LRP1B: variants seen among roughly 807,000 people sequenced by gnomAD.
The protein encoded by LRP1B is LDL receptor related protein 1B.
In LRP1B, 217 loss-of-function variants were observed where a neutral mutation model predicts 556.6. The ratio of observed to expected loss-of-function variants is 0.39; its 90% confidence interval spans 0.35 to 0.44. LRP1B has a LOEUF of 0.44. Ranked by LOEUF, LRP1B falls within the 20% of genes least tolerant of loss-of-function variation. LRP1B has a pLI of 1.00. For synonymous variants in LRP1B, 2,047 were observed against 1,865.8 expected, an observed-to-expected ratio of 1.10 and a Z score of -2.50; for missense variants, 5,053 against 5,620.8, an observed-to-expected ratio of 0.90 and a Z score of 3.23.
At chr2:141,627,864 G>A (rs563372717) in intron 2 of LRP1B, among the ~76,000 whole-genome samples, 4 of 152,130 alleles carry the variant, frequency 2.6e-5, no homozygotes, top group African/African-American at 7.2e-5. Context: ...TAGTAGGGGA[G>A]GCTGTCGGGA....
At chr2:141,837,105 A>ATG (rs1697309096) in intron 1 of LRP1B, among the ~76,000 whole-genome samples, 1 of 152,042 alleles carries the variant, frequency 6.6e-6, no homozygotes, top group Non-Finnish European at 1.5e-5. Context: ...TCCAGCAGGT[A>ATG]TGCAGGGCTA....
At chr2:141,942,234 T>G (rs891963421) in intron 1 of LRP1B, among the ~76,000 whole-genome samples, 1 of 152,188 alleles carries the variant, frequency 6.6e-6, no homozygotes, top group African/African-American at 2.4e-5. Context: ...CACACATCTT[T>G]TCTCTTTTTA....
chr2:140,285,803 C>T (rs1406706489), intron 84 of LRP1B, among the ~76,000 whole-genome samples: 3 of 150,278 alleles, frequency 2.0e-5, no homozygotes, highest in Non-Finnish European at 4.4e-5. Context: ...TAAAAATCAT[C>T]CTCATAAATT....
chr2:141,219,784 A>C (rs1682959828), intron 6 of LRP1B, among the ~76,000 whole-genome samples: 1 of 152,134 alleles, frequency 6.6e-6, no homozygotes. Context: ...CTCTAGTTGC[A>C]GGAGGGACCC....
chr2:140,708,116 A>G (rs1329825761), intron 37 of LRP1B, among the ~76,000 whole-genome samples: 1 of 152,082 alleles, frequency 6.6e-6, no homozygotes, highest in Admixed American at 6.6e-5. Context: ...TGGGTAAATT[A>G]GTATCTGAGA....
At chr2:140,420,226 TAAAA>T (rs201026040) in intron 66 of LRP1B, among the ~76,000 whole-genome samples, 1 of 150,396 alleles carries the variant, frequency 6.6e-6, no homozygotes, top group African/African-American at 2.4e-5. Context: ...ATCAGTTCAA[TAAAA>T]AAAAAGAATT....
intron 41 of LRP1B, among the ~76,000 whole-genome samples, chr2:140,632,325 T>C (rs150127350): frequency 4.6e-5 from 7 of 152,242 alleles, no homozygotes; most frequent in African/African-American, 1.2e-4. Flanking sequence ...TTATAGCATA[T>C]GGATTAGTGA....
At chr2:140,560,575 C>T (rs1307750267) in intron 43 of LRP1B, among the ~76,000 whole-genome samples, 2 of 151,938 alleles carry the variant, frequency 1.3e-5, no homozygotes, top group Non-Finnish European at 2.9e-5. Context: ...AAAATATGTA[C>T]AAGATCTCTA....
chr2:141,652,071 C>T (rs1689812242), intron 2 of LRP1B, among the ~76,000 whole-genome samples: 1 of 152,290 alleles, frequency 6.6e-6, no homozygotes, highest in African/African-American at 2.4e-5. Flanking sequence ...GATCATAACA[C>T]ACAACTTCCC....
At chr2:141,659,566 A>G (rs1690135078) in intron 2 of LRP1B, among the ~76,000 whole-genome samples, 1 of 152,116 alleles carries the variant, frequency 6.6e-6, no homozygotes. Flanking sequence ...TTACTGAGGC[A>G]AGAAATACAG....
intron 6 of LRP1B, 67 bp from the exon 7 acceptor site, chr2:141,188,650 A>C: frequency 7.1e-7 from 1 of 1,405,106 alleles, no homozygotes; most frequent in Admixed American, 1.9e-5. Context: ...CAAAAATAAC[A>C]TAAGTGTTTC....
At chr2:141,123,094 T>C (rs1474508344) in intron 7 of LRP1B, among the ~76,000 whole-genome samples, 1 of 152,036 alleles carries the variant, frequency 6.6e-6, no homozygotes, top group Non-Finnish European at 1.5e-5. Context: ...CACCAGGGCC[T>C]GTCATGGGGT....
intron 18 of LRP1B, among the ~76,000 whole-genome samples, chr2:140,977,575 T>C (rs1451754827): frequency 7.1e-6 from 1 of 141,644 alleles, no homozygotes; most frequent in African/African-American, 2.6e-5. Flanking sequence ...AATTTCTTAT[T>C]AGGGTGGTGC....
Position 140,700,450 on chromosome 2 carries a change from A to G in LRP1B, c.6599T>C (p.Ile2200Thr), listed in dbSNP as rs763993846. Residue 2200 changes from isoleucine (I) to threonine (T), a missense_variant, in exon 41 of 91, where the codon ATA (isoleucine) becomes ACA (threonine). By Grantham distance (89) the Ile-to-Thr change is moderately conservative. This residue lies in a region of LRP1B where 3,619 missense variants were observed against 3,931.9 expected (regional missense o/e 0.92). Transcript: ENST00000389484. ...LYSGRTILKS[I>T]HLSDETNLNS... The stretch of plus-strand genomic sequence containing the variant: ...TAAATTGGTTTCATCAGAAAGATGT[A>G]TACTTTTTAATATTGTTCTTCCTGA... 9 of 1,613,298 alleles carry G rather than the reference A, an allele frequency of 5.6e-6. No individual in the cohort carries two copies. The highest frequency in any genetic ancestry group is 4.0e-5 in the African/African-American group (3 of 74,864).
At chr2:141,294,150 CA>C (rs1276404120) in intron 3 of LRP1B, among the ~76,000 whole-genome samples, 1 of 151,998 alleles carries the variant, frequency 6.6e-6, no homozygotes, top group Non-Finnish European at 1.5e-5. Flanking sequence ...GTAGAGGTGA[CA>C]AAAATATCTT....
intron 2 of LRP1B, among the ~76,000 whole-genome samples, chr2:141,804,649 A>G (rs1009398): frequency 0.61 from 92,305 of 151,760 alleles, 28,992 homozygotes; most frequent in African/African-American, 0.77. Flanking sequence ...GGGGGCAGTT[A>G]GATTGTGTAT....
At chr2:140,890,582 A>C (rs565533157) in intron 23 of LRP1B, among the ~76,000 whole-genome samples, 13 of 152,062 alleles carry the variant, frequency 8.5e-5, no homozygotes, top group Non-Finnish European at 1.5e-4. Context: ...AAAATAAACA[A>C]ACAAAATAAA....
In LRP1B at chr2:140,366,922, G is replaced by A. The variant is rs537877819; in HGVS notation, c.11009-2139C>T. On this transcript the variant is annotated intron_variant, in intron 71 of 90. Transcript: ENST00000389484. ...ATTCAGTAGATAAGACACATTTGAG[G>A]GTACAGGAGAGCAAAAGAGTAATTA... Among the ~76,000 whole-genome samples, 4 of 151,756 alleles carry A rather than the reference G, an allele frequency of 2.6e-5. No homozygotes were observed. In the South Asian group the frequency reaches 8.3e-4, roughly 31 times the overall value.
intron 3 of LRP1B, among the ~76,000 whole-genome samples, chr2:141,331,522 C>CTTTTCTT (rs10694161): frequency 5.7e-5 from 8 of 140,824 alleles, no homozygotes; most frequent in South Asian, 4.5e-4. Context: ...TTCTTTCTTT[C>CTTTTCTT]TCTTTCTTTC....
Sources: gnomAD v4.1 joint callset for allele counts (sites outside exome capture counted in the v4.1 genomes callset) on GRCh38, gnomAD v4.1.1 for gene constraint, gnomAD v4.1.1 regional missense constraint, MANE v1.5 for transcripts, NCBI Gene and HGNC (gene_info 2026-07-23, HGNC 2026-07-21) for gene names.